The following TOR3A variants were observed in gnomAD, a reference collection of about 807,000 sequenced individuals.
The protein encoded by TOR3A is torsin-3A.
A neutral mutation model predicts 42.1 loss-of-function variants in TOR3A; 44 were observed. The ratio of observed to expected loss-of-function variants is 1.04; its 90% confidence interval spans 0.82 to 1.34. TOR3A has a LOEUF of 1.34. Among genes scored for constraint, TOR3A ranks in the 40% most tolerant of loss-of-function variants. TOR3A has a pLI of 0.00. For missense variants in TOR3A, 521 were observed against 507.6 expected (o/e 1.03, Z -0.25); for synonymous variants, 227 against 213.2 (o/e 1.06, Z -0.57).
At chr1:179,086,628 T>C (rs1652444015) in intron 3 of TOR3A, among the ~76,000 whole-genome samples, 1 of 146,174 alleles carries the variant, frequency 6.8e-6, no homozygotes, top group South Asian at 2.1e-4. Flanking sequence ...ATCGTGCCGC[T>C]GCACTCCAGC....
chr1:179,089,022 GTGAGGGGATGCTGA>G (rs1046714415), intron 4 of TOR3A, among the ~76,000 whole-genome samples: 8 of 152,178 alleles, frequency 5.3e-5, no homozygotes, highest in African/African-American at 1.9e-4. Flanking sequence ...GGGGAAGTTG[GTGAGGGGATGCTGA>G]TTTTCATCCT....
At chr1:179,092,225 T>C (rs1006338418) in intron 4 of TOR3A, among the ~76,000 whole-genome samples, 6 of 152,152 alleles carry the variant, frequency 3.9e-5, no homozygotes, top group African/African-American at 9.7e-5. Context: ...TCCCCTCATT[T>C]CCCAGCAGCC....
intron 3 of TOR3A, among the ~76,000 whole-genome samples, 195 bp from the exon 4 acceptor site, chr1:179,087,716 C>T (rs1652468593): frequency 6.6e-6 from 1 of 151,752 alleles, no homozygotes; most frequent in South Asian, 2.1e-4. Flanking sequence ...GCTTGAGAAT[C>T]ACCTGGGAGC....
At position 179,082,073 on chromosome 1, in the gene TOR3A, C is replaced by A. The variant is rs1467721646; in HGVS notation, c.-56C>A. The A allele has an allele frequency of 2.8e-6, 4 of 1,414,796 alleles. No homozygotes were observed. The African/African-American group carries it at 4.6e-5, about 16-fold the overall frequency. The allele number at this position is 1,414,796 out of a possible 1,614,324, so 87.6% of individuals were successfully genotyped here. A position where few individuals can be genotyped will look rare whatever the true frequency, so the allele number is the denominator to read the frequency against. On this transcript the variant is annotated 5_prime_UTR_variant, in exon 1 of 6. Coordinates refer to ENST00000367627, the MANE Select transcript of TOR3A (RefSeq NM_022371.4). ...GCGGTCCCCGCCTGACCGCCCCGGG[C>A]TTAAGGGAGCCTGGCTAGGCCGGCA...
At chr1:179,091,380 AGTG>A (rs1329360714) in intron 4 of TOR3A, among the ~76,000 whole-genome samples, 6 of 152,234 alleles carry the variant, frequency 3.9e-5, no homozygotes, top group African/African-American at 1.4e-4. Context: ...CTGGTGCCAG[AGTG>A]GTGGTCCTGA....
At chr1:179,093,159 C>T (rs563557683) in intron 4 of TOR3A, among the ~76,000 whole-genome samples, 13 of 152,166 alleles carry the variant, frequency 8.5e-5, no homozygotes, top group Middle Eastern at 6.8e-3. Context: ...CCGTGGAGGG[C>T]GGAGGAAGGC....
At chr1:179,084,956 G>C (rs997624394) in intron 2 of TOR3A, among the ~76,000 whole-genome samples, 2 of 152,198 alleles carry the variant, frequency 1.3e-5, no homozygotes, top group African/African-American at 4.8e-5. Context: ...ATAAAATCAG[G>C]CTTCTCCATA....
At chr1:179,094,308 G>C in intron 5 of TOR3A, 91 bp downstream of exon 5, 3 of 1,483,004 alleles carry the variant, frequency 2.0e-6, no homozygotes, top group Non-Finnish European at 2.7e-6. Flanking sequence ...AAGCAGACAG[G>C]GTACTTGGGA....
rs769994309 is a variant in TOR3A at position 179,082,213 on chromosome 1, C to A, written c.85C>A (p.Pro29Thr). Residue 29 changes from proline (P) to threonine (T), a missense_variant, in exon 1 of 6, where the codon CCG (proline) becomes ACG (threonine). By Grantham distance (38) the Pro-to-Thr change is conservative. Coordinates refer to ENST00000367627, the MANE Select transcript of TOR3A (RefSeq NM_022371.4). ...GAPEPRGASRPWEGTDEPGSA... is the reference protein window; with the variant it reads ...GAPEPRGASRTWEGTDEPGSA... ...GCCTGAGCCCCGCGGCGCCTCCAGG[C>A]CGTGGGAGGGAACCGACGAGCCGGG... 3.3e-6 allele frequency: 5 copies of A among 1,509,542 alleles called. No individual in the cohort carries two copies. Among genetic ancestry groups the A allele is most frequent in the Admixed American group, 4.3e-5 (2 of 46,264 alleles). 93.5% of individuals were successfully genotyped at this position (1,509,542 alleles called of 1,614,324 possible).
In TOR3A at chr1:179,095,821, G is replaced by C. The variant is rs145372796; in HGVS notation, c.*603G>C. On this transcript the variant is annotated 3_prime_UTR_variant, in exon 6 of 6. Transcript: ENST00000367627. ...TGAGCGAATCAGCCAAGAGCCTGAG[G>C]CTGAAGGGAAAAGTACACAGAGGAA... 3 of 986,746 alleles carry C rather than the reference G, an allele frequency of 3.0e-6. No homozygotes were observed. Among genetic ancestry groups the C allele is most frequent in the East Asian group, 1.1e-4 (1 of 8,834 alleles). 61.1% of individuals were successfully genotyped at this position (986,746 alleles called of 1,614,324 possible).
chr1:179,092,598 A>G (rs1652620576), intron 4 of TOR3A, among the ~76,000 whole-genome samples: 1 of 145,490 alleles, frequency 6.9e-6, no homozygotes, highest in South Asian at 2.1e-4. Flanking sequence ...CACACCTGTC[A>G]TCCTAGCACT....
chr1:179,087,787 G>A (rs1030386411), intron 3 of TOR3A, 124 bp from the exon 4 acceptor site: 5 of 839,164 alleles, frequency 6.0e-6, no homozygotes, highest in African/African-American at 1.7e-5. Flanking sequence ...GTTCTGGCGG[G>A]GGGCGGGGGG....
intron 4 of TOR3A, 33 bp downstream of exon 4, chr1:179,088,122 G>A (rs1481732366): frequency 6.6e-7 from 1 of 1,522,850 alleles, no homozygotes; most frequent in Non-Finnish European, 8.8e-7. Flanking sequence ...CAGGAGGGCT[G>A]GGGGAGGGGA....
At chr1:179,085,581 G>A (rs771900299) in intron 2 of TOR3A, 47 bp from the exon 3 acceptor site, 1 of 1,598,038 alleles carries the variant, frequency 6.3e-7, no homozygotes, top group South Asian at 1.1e-5. Context: ...TGTGGTGGAT[G>A]GGCCTGTGTG....
At position 179,082,323 on chromosome 1, in the gene TOR3A, C is replaced by T. The variant is rs959683330; in HGVS notation, c.195C>T (p.Leu65=). 1.9e-6 allele frequency: 3 copies of T among 1,604,416 alleles called. No individual in the cohort carries two copies. In the African/African-American group the frequency reaches 4.1e-5, roughly 22 times the overall value. The change falls in exon 1 of 6, where the codon CTC becomes CTT. Residue 65 remains leucine (L), a synonymous_variant. Transcript: ENST00000367627. ...AGALSKRYWT[L]FSCQVWPDDC... is the part of the protein sequence containing the mutation. ...CCCTCTCCAAGCGGTACTGGACGCT[C>T]TTCAGCTGCCAGGTGTGGCCCGACG...
At chr1:179,082,453 G>A in intron 1 of TOR3A, 66 bp downstream of exon 1, 1 of 1,527,934 alleles carries the variant, frequency 6.5e-7, no homozygotes, top group African/African-American at 1.4e-5. Context: ...CGCGGCTGTG[G>A]TCGCCTCGCT....
chr1:179,095,186 A>G lies in TOR3A; in HGVS notation c.1162A>G (p.Ile388Val), dbSNP rs375736796. ...CTTTTCTTCCCAGGGCTGCAAGTCTATTTCCCAGAGGATTAACTACTTCCT... is the reference window on the plus strand; with the variant it reads ...CTTTTCTTCCCAGGGCTGCAAGTCTGTTTCCCAGAGGATTAACTACTTCCT... ...QLFSSQGCKSISQRINYFLS is the reference protein window; with the variant it reads ...QLFSSQGCKSVSQRINYFLS The change falls in exon 6 of 6, where the codon ATT (isoleucine) becomes GTT (valine). Residue 388 changes from isoleucine to valine, a missense_variant. Physicochemically the swap from Ile to Val is conservative, Grantham distance 29. Coordinates refer to ENST00000367627, the MANE Select transcript of TOR3A (RefSeq NM_022371.4). The G allele has an allele frequency of 1.4e-5, 23 of 1,613,904 alleles. No individual in the cohort carries two copies. Among genetic ancestry groups the G allele is most frequent in the East Asian group, 6.7e-5 (3 of 44,872 alleles).
intron 4 of TOR3A, among the ~76,000 whole-genome samples, chr1:179,088,850 G>A (rs1652502286): frequency 6.6e-6 from 1 of 152,156 alleles, no homozygotes; most frequent in South Asian, 2.1e-4. Context: ...AGTCAAGTTT[G>A]GGCCCTTGTT....
chr1:179,094,902 C>T, intron 5 of TOR3A, 66 bp from the exon 6 acceptor site: 1 of 1,515,068 alleles, frequency 6.6e-7, no homozygotes. Flanking sequence ...CAACCCCCAC[C>T]CCCGCTAAAT....
Sources: gnomAD v4.1 joint callset for allele counts (sites outside exome capture counted in the v4.1 genomes callset) on GRCh38, gnomAD v4.1.1 for gene constraint, MANE v1.5 for transcripts, NCBI Gene and HGNC (gene_info 2026-07-23, HGNC 2026-07-21) for gene names.